The following COX16 variants were observed in gnomAD, a reference collection of about 807,000 sequenced individuals.
COX16 encodes cytochrome c oxidase assembly factor COX16.
Under a neutral mutation model 15.4 loss-of-function variants are expected in COX16, and 12 were observed. The observed-to-expected ratio is 0.78, with a 90% CI of 0.50 to 1.26. The LOEUF is 1.26. Ranked by LOEUF, COX16 falls within the 50% of genes most tolerant of loss-of-function variation. The pLI, the probability that COX16 is intolerant of heterozygous loss-of-function variation, is 0.00. For synonymous variants in COX16, 46 were observed against 41.1 expected (o/e 1.12, Z -0.46); for missense variants, 124 against 127.6 (o/e 0.97, Z 0.14).
At chr14:70,328,546 A>G (rs1886167675) in intron 3 of COX16, among the ~76,000 whole-genome samples, 2 of 152,202 alleles carry the variant, frequency 1.3e-5, no homozygotes, top group Non-Finnish European at 2.9e-5. Context: ...TAGATGGGTG[A>G]AAAGTGATAC....
Position 70,359,649 on chromosome 14 carries a change from G to A in COX16, c.-62C>T. On this transcript the variant is annotated 5_prime_UTR_variant, in exon 1 of 4. Coordinates refer to ENST00000389912, the MANE Select transcript of COX16 (RefSeq NM_016468.7). ...GCCTAGCGCAGACTCCCAAATCTCA[G>A]CAGCTCACGCTCTCACCAAGACGAG... 2 of 1,443,300 alleles carry A rather than the reference G, an allele frequency of 1.4e-6. No homozygotes were observed. The highest frequency in any genetic ancestry group is 2.8e-5 in the African/African-American group (2 of 71,738). The allele number at this position is 1,443,300 out of a possible 1,614,324, so 89.4% of individuals were successfully genotyped here.
chr14:70,330,400 A>G (rs1049329908), intron 2 of COX16, among the ~76,000 whole-genome samples: 2 of 152,232 alleles, frequency 1.3e-5, no homozygotes, highest in East Asian at 1.9e-4. Context: ...CACACAAAGA[A>G]AAGTCCAGGG....
At chr14:70,342,859 G>A (rs1376967047) in intron 1 of COX16, 130 bp from the exon 2 acceptor site, 21 of 917,072 alleles carry the variant, frequency 2.3e-5, no homozygotes, top group South Asian at 3.6e-5. Context: ...ATTTTTCCTG[G>A]TGAGTCACCA....
intron 1 of COX16, among the ~76,000 whole-genome samples, chr14:70,349,278 G>C (rs1285900773): frequency 6.6e-6 from 1 of 152,164 alleles, no homozygotes; most frequent in Non-Finnish European, 1.5e-5. Context: ...CCCGGGGCCA[G>C]ATACCCAGGC....
intron 1 of COX16, among the ~76,000 whole-genome samples, chr14:70,351,554 A>G (rs1178547369): frequency 6.6e-6 from 1 of 152,180 alleles, no homozygotes; most frequent in Admixed American, 6.5e-5. Flanking sequence ...TACCATCTAT[A>G]TATAATAACT....
chr14:70,328,334 CAAAAT>C (rs775052133), intron 3 of COX16: 12 of 151,868 alleles, frequency 7.9e-5, no homozygotes, highest in Non-Finnish European at 1.6e-4. Flanking sequence ...ATTAAATTGT[CAAAAT>C]AAAAATCAAC....
rs753574098 is a variant in COX16, at chr14:70,359,539, C to T, written c.49G>A (p.Gly17Ser). The T allele has an allele frequency of 3.3e-5, 53 of 1,613,968 alleles. No homozygotes were observed. Among genetic ancestry groups the T allele is most frequent in the Non-Finnish European group, 4.3e-5 (51 of 1,179,972 alleles). ...CTCACCAACATGGGGACTCCATAGCCGAGAGTCTTGTTCTTGCGAAAAGCA... is the reference window on the plus strand; with the variant it reads ...CTCACCAACATGGGGACTCCATAGCTGAGAGTCTTGTTCTTGCGAAAAGCA... ...MRAFRKNKTL[G>S]YGVPMLLLIV... The change falls in exon 1 of 4, where the codon GGC becomes AGC. Residue 17 changes from glycine (G) to serine (S), a missense_variant. Transcript: ENST00000389912.
At chr14:70,333,824 T>C (rs1291954506) in intron 2 of COX16, among the ~76,000 whole-genome samples, 1 of 152,136 alleles carries the variant, frequency 6.6e-6, no homozygotes, top group Non-Finnish European at 1.5e-5. Context: ...GATAAGAGGC[T>C]AAGAGCAATA....
chr14:70,351,753 A>G (rs541123492), intron 1 of COX16, among the ~76,000 whole-genome samples: 1 of 152,258 alleles, frequency 6.6e-6, no homozygotes, highest in East Asian at 1.9e-4. Flanking sequence ...CTCTTGTTTG[A>G]TAGTTGAATG....
chr14:70,356,568 G>C (rs2140764899), intron 1 of COX16, among the ~76,000 whole-genome samples: 1 of 152,288 alleles, frequency 6.6e-6, no homozygotes, highest in South Asian at 2.1e-4. Flanking sequence ...AGATAAATCA[G>C]AGATTAGAAT....
At chr14:70,359,438 T>A in intron 1 of COX16, 81 bp downstream of exon 1, 1 of 1,307,644 alleles carries the variant, frequency 7.6e-7, no homozygotes, top group South Asian at 1.2e-5. Flanking sequence ...ACTTCACATT[T>A]TACAGATTCC....
At chr14:70,341,261 C>T (rs1886616299) in intron 2 of COX16, among the ~76,000 whole-genome samples, 1 of 152,064 alleles carries the variant, frequency 6.6e-6, no homozygotes, top group Non-Finnish European at 1.5e-5. Flanking sequence ...TGTTCTAATC[C>T]TTCATAGAAA....
intron 1 of COX16, among the ~76,000 whole-genome samples, chr14:70,346,246 C>G (rs1256972422): frequency 6.6e-6 from 1 of 152,206 alleles, no homozygotes; most frequent in Non-Finnish European, 1.5e-5. Context: ...CTTAATTTAG[C>G]CTTCATAGTC....
intron 1 of COX16, among the ~76,000 whole-genome samples, chr14:70,344,797 C>T (rs552968887): frequency 3.9e-5 from 6 of 152,160 alleles, no homozygotes; most frequent in Admixed American, 1.3e-4. Context: ...CCGGAAAATA[C>T]GTACCCCTGA....
At chr14:70,354,997 T>A (rs1238104057) in intron 1 of COX16, among the ~76,000 whole-genome samples, 1 of 152,204 alleles carries the variant, frequency 6.6e-6, no homozygotes, top group East Asian at 1.9e-4. Flanking sequence ...CTTTCCTGTA[T>A]CATCAAAATC....
intron 1 of COX16, among the ~76,000 whole-genome samples, chr14:70,356,346 C>T (rs1358808160): frequency 6.6e-6 from 1 of 152,120 alleles, no homozygotes; most frequent in Non-Finnish European, 1.5e-5. Flanking sequence ...CTATGAGAAT[C>T]TAATGCCACC....
intron 2 of COX16, among the ~76,000 whole-genome samples, chr14:70,340,158 C>G (rs1886581819): frequency 6.6e-6 from 1 of 152,092 alleles, no homozygotes; most frequent in Admixed American, 6.5e-5. Flanking sequence ...GACGTGGTTT[C>G]CCCCATGCTA....
chr14:70,327,060 A>C (rs1446444938), intron 3 of COX16, among the ~76,000 whole-genome samples: 1 of 152,188 alleles, frequency 6.6e-6, no homozygotes, highest in African/African-American at 2.4e-5. Context: ...GGGAAGAAAT[A>C]AATGTTTCTT....
At position 70,346,761 on chromosome 14, in the gene COX16, T is replaced by G. The variant is rs531121230; in HGVS notation, c.70-4032A>C. On this transcript the variant is annotated intron_variant, in intron 1 of 3. Transcript: ENST00000389912. ...ACCCAGTCCTCCCTTTTCTCCGTTGTGGGAATTGACAGACAAGACTCCAAA... is the reference window on the plus strand; with the variant it reads ...ACCCAGTCCTCCCTTTTCTCCGTTGGGGGAATTGACAGACAAGACTCCAAA... 2.0e-5 allele frequency among the ~76,000 whole-genome samples: 3 copies of G among 152,160 alleles called. No homozygotes were observed. The East Asian group carries it at 5.8e-4, about 29-fold the overall frequency.
Sources: gnomAD v4.1 joint callset for allele counts (sites outside exome capture counted in the v4.1 genomes callset) on GRCh38, gnomAD v4.1.1 for gene constraint, MANE v1.5 for transcripts, NCBI Gene and HGNC (gene_info 2026-07-23, HGNC 2026-07-21) for gene names.